Variants in MAST1 observed in about 807,000 individuals in gnomAD.
MAST1 encodes the protein microtubule associated serine/threonine kinase 1.
Under a neutral mutation model 124.6 loss-of-function variants are expected in MAST1, and 40 were observed. That is an observed-to-expected ratio of 0.32 (90% confidence interval 0.25 to 0.42). MAST1 has a LOEUF of 0.42. MAST1 is among the 10% of genes least tolerant of loss of function. MAST1 has a pLI of 1.00. For missense variants in MAST1, 1,558 were observed against 2,181.9 expected, an observed-to-expected ratio of 0.71 and a Z score of 5.70; for synonymous variants, 938 against 939.4, an observed-to-expected ratio of 1.00 and a Z score of 0.03.
Position 12,874,637 on chromosome 19 carries a change from C to A in MAST1, c.4480C>A (p.Pro1494Thr). The A allele has an allele frequency of 6.6e-7, 1 of 1,522,866 alleles. No individual in the cohort carries two copies. Among genetic ancestry groups the A allele is most frequent in the South Asian group, 1.3e-5 (1 of 76,744 alleles). 94.3% of individuals were successfully genotyped at this position (1,522,866 alleles called of 1,614,324 possible). ...GGAGGAGCGCACCACGCTGAGCGGT[C>A]CTCGCTCCAAGCCCGCCTCCCCAAA... is the stretch of plus-strand genomic sequence containing the variant. The part of the protein sequence containing the change: ...VVEERTTLSG[P>T]RSKPASPKLS... The change falls in exon 26 of 26, where the codon CCT (proline) becomes ACT (threonine). Residue 1494 changes from proline to threonine, a missense_variant. Physicochemically the swap from Pro to Thr is conservative, Grantham distance 38. Transcript: ENST00000251472. The surrounding 1 kb of genome is among the most constrained non-coding windows in gnomAD (Gnocchi z 6.6).
intron 12 of MAST1, among the ~76,000 whole-genome samples, chr19:12,859,522 G>T (rs1970054557): frequency 6.6e-6 from 1 of 151,456 alleles, no homozygotes; most frequent in South Asian, 2.1e-4. Context: ...AAATACCTGG[G>T]ATTATAGGTG....
At chr19:12,862,644 GT>G (rs1970098326) in intron 12 of MAST1, among the ~76,000 whole-genome samples, 1 of 147,098 alleles carries the variant, frequency 6.8e-6, no homozygotes, top group African/African-American at 2.5e-5. Context: ...TGTTGTTGTT[GT>G]TTTTTTCTTT....
intron 24 of MAST1, among the ~76,000 whole-genome samples, chr19:12,872,003 A>T (rs1394403259): frequency 6.6e-6 from 1 of 151,944 alleles, no homozygotes; most frequent in African/African-American, 2.4e-5. Flanking sequence ...ATCAGAGAAA[A>T]GCATTGTAGG....
chr19:12,865,619 A>G lies in MAST1; in HGVS notation c.1805-98A>G, dbSNP rs1970142295. Reference sequence around the variant, plus strand: ...GAGGTCAAGGCTGCAGTGAGCCATGATCGTGCCACTGCACTCCAGCTGGGT... The same window carrying G: ...GAGGTCAAGGCTGCAGTGAGCCATGGTCGTGCCACTGCACTCCAGCTGGGT... On this transcript the variant is annotated intron_variant, in intron 15 of 25. Coordinates refer to ENST00000251472, the MANE Select transcript of MAST1 (RefSeq NM_014975.3). This position sits in a 1 kb window ranked among gnomAD's most constrained non-coding sequence, Gnocchi z 7.1. The G allele has an allele frequency of 7.0e-6, 10 of 1,437,710 alleles. No homozygotes were observed. The South Asian group carries it at 1.3e-4, about 18-fold the overall frequency. The allele number at this position is 1,437,710 out of a possible 1,614,324, so 89.1% of individuals were successfully genotyped here. A position where few individuals can be genotyped will look rare whatever the true frequency, so the allele number is the denominator to read the frequency against.
chr19:12,856,304 C>CTTA (rs1568410747), intron 10 of MAST1, among the ~76,000 whole-genome samples: 1 of 139,230 alleles, frequency 7.2e-6, no homozygotes, highest in Non-Finnish European at 1.6e-5. Flanking sequence ...TATTTTGCCA[C>CTTA]TTTTTTTTTT....
chr19:12,874,637 C>G lies in MAST1; in HGVS notation c.4480C>G (p.Pro1494Ala), dbSNP rs764734542. 27 of 1,522,748 alleles carry G rather than the reference C, an allele frequency of 1.8e-5. No individual in the cohort carries two copies. In the East Asian group the frequency reaches 5.7e-4, roughly 32 times the overall value. The allele number at this position is 1,522,748 out of a possible 1,614,324, so 94.3% of individuals were successfully genotyped here. Reference sequence around the variant, plus strand: ...GGAGGAGCGCACCACGCTGAGCGGTCCTCGCTCCAAGCCCGCCTCCCCAAA... The same window carrying G: ...GGAGGAGCGCACCACGCTGAGCGGTGCTCGCTCCAAGCCCGCCTCCCCAAA... ...VVEERTTLSG[P>A]RSKPASPKLS... is the part of the protein sequence containing the mutation. Residue 1494 changes from proline (P) to alanine (A), a missense_variant, in exon 26 of 26, where the codon CCT becomes GCT. By Grantham distance (27) the Pro-to-Ala change is conservative (BLOSUM62 -1). Coordinates refer to ENST00000251472, the MANE Select transcript of MAST1 (RefSeq NM_014975.3). The surrounding 1 kb of genome is among the most constrained non-coding windows in gnomAD (Gnocchi z 6.6).
chr19:12,847,542 A>G lies in MAST1; in HGVS notation c.489-70A>G. 1 of 1,612,996 alleles carries G rather than the reference A, an allele frequency of 6.2e-7. No homozygotes were observed. The highest frequency in any genetic ancestry group is 1.7e-5 in the Admixed American group (1 of 59,786). On this transcript the variant is annotated intron_variant, in intron 5 of 25. Coordinates refer to ENST00000251472, the MANE Select transcript of MAST1 (RefSeq NM_014975.3). This position sits in a 1 kb window ranked among gnomAD's most constrained non-coding sequence, Gnocchi z 5.5. ...CTGTCCCCGCGAATAAAAGGGTTAC[A>G]TCTTGGGGCGGGGGCTCTCTGCGGG...
Position 12,847,058 on chromosome 19 carries a change from T to C in MAST1, c.328-232T>C, listed in dbSNP as rs2145889694. ...ACCAAGGGTTCTGAACAGAGGAGGC[T>C]CATGACTTGACCCAAGCTTTAACAG... On this transcript the variant is annotated intron_variant, in intron 4 of 25. Coordinates refer to ENST00000251472, the MANE Select transcript of MAST1 (RefSeq NM_014975.3). This position sits in a 1 kb window ranked among gnomAD's most constrained non-coding sequence, Gnocchi z 5.5. Among the ~76,000 whole-genome samples the C allele has an allele frequency of 6.6e-6, 1 of 152,086 alleles. No homozygotes were observed. The highest frequency in any genetic ancestry group is 2.1e-4 in the South Asian group (1 of 4,816).
chr19:12,844,571 G>T (rs966270778), intron 4 of MAST1, among the ~76,000 whole-genome samples: 5 of 152,306 alleles, frequency 3.3e-5, no homozygotes, highest in Admixed American at 3.3e-4. Flanking sequence ...CTTCCTGGAG[G>T]AGGTGACATT....
At chr19:12,846,104 AG>A (rs1969891733) in intron 4 of MAST1, among the ~76,000 whole-genome samples, 1 of 152,178 alleles carries the variant, frequency 6.6e-6, no homozygotes, top group Non-Finnish European at 1.5e-5. Flanking sequence ...CAGAAGGCAG[AG>A]GGGGGAAGAT....
chr19:12,847,704 G>A lies in MAST1; in HGVS notation c.564+17G>A. On this transcript the variant is annotated intron_variant, in intron 6 of 25. Coordinates refer to ENST00000251472, the MANE Select transcript of MAST1 (RefSeq NM_014975.3). The surrounding 1 kb of genome is among the most constrained non-coding windows in gnomAD (Gnocchi z 5.5). ...TTCCCGAAGGTGAGGTGGGACCCGA[G>A]GCGGTCACGGGGTGACCAGGCGGCC... 6.2e-7 allele frequency: 1 copy of A among 1,612,850 alleles called. No homozygotes were observed. Among genetic ancestry groups the A allele is most frequent in the African/African-American group, 1.3e-5 (1 of 75,004 alleles).
In MAST1 at chr19:12,865,831, T is replaced by A. The variant is rs1458813554; in HGVS notation, c.1906+13T>A. 9 of 1,610,756 alleles carry A rather than the reference T, an allele frequency of 5.6e-6. No homozygotes were observed. Among genetic ancestry groups the A allele is most frequent in the Non-Finnish European group, 7.6e-6 (9 of 1,178,116 alleles). Reference sequence around the variant, plus strand: ...AGGCTTGGGGCAGGTAAGTCCGCCATGCAGAGGAGCTGAGGGCCCACTGAT... The same window carrying A: ...AGGCTTGGGGCAGGTAAGTCCGCCAAGCAGAGGAGCTGAGGGCCCACTGAT... On this transcript the variant is annotated intron_variant, in intron 16 of 25. Coordinates refer to ENST00000251472, the MANE Select transcript of MAST1 (RefSeq NM_014975.3). This position sits in a 1 kb window ranked among gnomAD's most constrained non-coding sequence, Gnocchi z 7.1.
Position 12,867,761 on chromosome 19 carries a change from C to T in MAST1, c.2350C>T (p.Leu784=). ...KRFSASEASF[L]EGEASPPLGA... ...ATTCTCCGCGTCCGAGGCCAGTTTC[C>T]TGGAGGGAGAGGCCAGTCCCCCTTT... The change falls in exon 20 of 26, where the codon CTG becomes TTG. Residue 784 remains leucine, a synonymous_variant. Coordinates refer to ENST00000251472, the MANE Select transcript of MAST1 (RefSeq NM_014975.3). 9 of 1,546,094 alleles carry T rather than the reference C, an allele frequency of 5.8e-6. No individual in the cohort carries two copies. The highest frequency in any genetic ancestry group is 7.8e-6 in the Non-Finnish European group (9 of 1,146,592).
At position 12,838,580 on chromosome 19, in the gene MAST1, ACT is replaced by A. The variant is rs1969787826; in HGVS notation, c.15_16del (p.Trp6AspfsTer5). 1.3e-6 allele frequency: 2 copies of A among 1,581,944 alleles called. No individual in the cohort carries two copies. Among genetic ancestry groups the A allele is most frequent in the Non-Finnish European group, 1.7e-6 (2 of 1,166,396 alleles). On this transcript the variant is annotated frameshift_variant, in exon 1 of 26. Transcript: ENST00000251472. LOFTEE classifies it high-confidence loss of function. This position sits in a 1 kb window ranked among gnomAD's most constrained non-coding sequence, Gnocchi z 4.3. ...TGTCGCCGCCGCCGGGTCATGTCTG[ACT>A]CTCTCTGGACCGCGCTTTCTAATTT...
chr19:12,874,336 C>A lies in MAST1; in HGVS notation c.4179C>A (p.Ser1393Arg). The A allele has an allele frequency of 6.3e-7, 1 of 1,597,032 alleles. No individual in the cohort carries two copies. Among genetic ancestry groups the A allele is most frequent in the South Asian group, 1.1e-5 (1 of 90,880 alleles). The change falls in exon 26 of 26, where the codon AGC becomes AGA. Residue 1393 changes from serine to arginine, a missense_variant. This residue lies in a region of MAST1 where 263 missense variants were observed against 310.9 expected (regional missense o/e 0.85). Coordinates refer to ENST00000251472, the MANE Select transcript of MAST1 (RefSeq NM_014975.3). This position sits in a 1 kb window ranked among gnomAD's most constrained non-coding sequence, Gnocchi z 6.6. ...ERDVGCTRHQSVQTEDGTGGM... is the reference protein window; with the variant it reads ...ERDVGCTRHQRVQTEDGTGGM... ...ACGTCGGCTGCACGCGGCATCAGAG[C>A]GTGCAGACGGAGGATGGCACTGGCG...
intron 10 of MAST1, among the ~76,000 whole-genome samples, chr19:12,853,758 T>C (rs1028132202): frequency 2.6e-4 from 40 of 150,990 alleles, no homozygotes; most frequent in Non-Finnish European, 4.0e-4. Context: ...TAATCCCAGC[T>C]ACTTGGAAGG....
At chr19:12,839,023 G>A (rs1447330755) in intron 1 of MAST1, among the ~76,000 whole-genome samples, 1 of 152,008 alleles carries the variant, frequency 6.6e-6, no homozygotes, top group Non-Finnish European at 1.5e-5. Context: ...CCCATGCCGC[G>A]TGCTCCTGGA....
chr19:12,873,495 T>G lies in MAST1; in HGVS notation c.3435T>G (p.Pro1145=). The G allele has an allele frequency of 6.2e-7, 1 of 1,604,922 alleles. No individual in the cohort carries two copies. Among genetic ancestry groups the G allele is most frequent in the South Asian group, 1.1e-5 (1 of 90,970 alleles). The change falls in exon 25 of 26, where the codon CCT becomes CCG. Residue 1145 remains proline, a synonymous_variant. Coordinates refer to ENST00000251472, the MANE Select transcript of MAST1 (RefSeq NM_014975.3). ...CCACGCACAGCTACCGCTCCACGCC[T>G]GACTCCGCCTACCTAGGTATTACCT... ...RSPTHSYRST[P]DSAYLGASSQ...
chr19:12,871,733 T>C (rs1430180539), intron 24 of MAST1, among the ~76,000 whole-genome samples: 1 of 151,438 alleles, frequency 6.6e-6, no homozygotes, highest in Non-Finnish European at 1.5e-5. Flanking sequence ...AGGGGCAACA[T>C]AGAGAGACCC....
Sources: allele counts gnomAD v4.1 joint callset (sites outside exome capture counted in the v4.1 genomes callset), GRCh38; gene constraint gnomAD v4.1.1; regional missense constraint gnomAD v4.1.1; non-coding constraint Gnocchi (gnomAD v3.1); transcripts MANE v1.5; gene names NCBI Gene and HGNC (gene_info 2026-07-23, HGNC 2026-07-21).